SORL1-AS1: variants seen among roughly 807,000 people sequenced by gnomAD.
SORL1-AS1 encodes the protein SORL1 antisense RNA 1, also known as lncRNA 51 A.
chr11:121,442,674 T>TTTATTTACTTATTTAC (rs1555041801), downstream of SORL1-AS1, among the ~76,000 whole-genome samples: 3 of 141,568 alleles, frequency 2.1e-5, no homozygotes, highest in African/African-American at 8.0e-5. Flanking sequence ...TATTTATTTA[T>TTTATTTACTTATTTAC]TTATTTATTT....
downstream of SORL1-AS1, among the ~76,000 whole-genome samples, chr11:121,444,702 T>G (rs554383965): frequency 2.0e-4 from 30 of 152,324 alleles, no homozygotes; most frequent in African/African-American, 5.8e-4. Context: ...GGTGTCCCCC[T>G]GCTGGGAGGC....
chr11:121,441,046 G>A, the SORL1-AS1 span, among the ~76,000 whole-genome samples: 1 of 152,174 alleles, frequency 6.6e-6, no homozygotes, highest in Non-Finnish European at 1.5e-5. Context: ...GGAGATATAA[G>A]TATTTCAATG....
rs1366752952 is a variant in SORL1-AS1 at position 121,452,179 on chromosome 11, G to T, written n.339+496C>A. The T allele has an allele frequency of 4.1e-6, 1 of 242,682 alleles. No individual in the cohort carries two copies. The highest frequency in any genetic ancestry group is 2.3e-5 in the African/African-American group (1 of 42,748). The allele number at this position is 242,682 out of a possible 1,614,324, so 15.0% of individuals were successfully genotyped here. On this transcript the variant is annotated intron_variant and non_coding_transcript_variant, in intron 1 of 1. Transcript: ENST00000501964. The surrounding 1 kb of genome is among the most constrained non-coding windows in gnomAD (Gnocchi z 5.3). The stretch of plus-strand genomic sequence containing the variant: ...CCGAACCGAGCGGGACCTGGCGGCA[G>T]CGGCGGCGGGCGCAGCGGGGCGGCC...
rs1300807928 is a variant in SORL1-AS1 at position 121,452,006 on chromosome 11, C to T, written n.339+669G>A. Among the ~76,000 whole-genome samples, 1 of 152,206 alleles carries T rather than the reference C, an allele frequency of 6.6e-6. No individual in the cohort carries two copies. The highest frequency in any genetic ancestry group is 2.4e-5 in the African/African-American group (1 of 41,470). On this transcript the variant is annotated intron_variant and non_coding_transcript_variant, in intron 1 of 1. Coordinates refer to ENST00000501964, the Ensembl canonical transcript of SORL1-AS1. This position sits in a 1 kb window ranked among gnomAD's most constrained non-coding sequence, Gnocchi z 5.3. ...AGGGAGAACAAGGAGGTGTGCCCGCCAGGGAAGGGACGCACCCCCACCGGC... is the reference window on the plus strand; with the variant it reads ...AGGGAGAACAAGGAGGTGTGCCCGCTAGGGAAGGGACGCACCCCCACCGGC...
chr11:121,444,930 A>T (rs1860705012), downstream of SORL1-AS1, among the ~76,000 whole-genome samples: 1 of 152,196 alleles, frequency 6.6e-6, no homozygotes. Context: ...TGAAATAACC[A>T]TTGAAAACGA....
At chr11:121,439,719 C>T in the SORL1-AS1 span, among the ~76,000 whole-genome samples, 7 of 152,146 alleles carry the variant, frequency 4.6e-5, no homozygotes, top group Middle Eastern at 3.2e-3. Context: ...CATTTAAAGA[C>T]GGTGAGTATT....
downstream of SORL1-AS1, among the ~76,000 whole-genome samples, chr11:121,444,347 T>C (rs1476630860): frequency 2.0e-5 from 3 of 152,212 alleles, no homozygotes; most frequent in East Asian, 5.8e-4. Flanking sequence ...GGCGTTCACT[T>C]TCTAAACCAT....
rs114331262 is a variant in SORL1-AS1, at chr11:121,452,568, G to A, written n.339+107C>T. 22,171 of 1,518,978 alleles carry A rather than the reference G, an allele frequency of 0.015. 266 individuals carry two copies. Among genetic ancestry groups the A allele is most frequent in the African/African-American group, 0.037 (2,609 of 69,752 alleles). The allele number at this position is 1,518,978 out of a possible 1,614,324, so 94.1% of individuals were successfully genotyped here. A position where few individuals can be genotyped will look rare whatever the true frequency, so the allele number is the denominator to read the frequency against. On this transcript the variant is annotated intron_variant and non_coding_transcript_variant, in intron 1 of 1. Coordinates refer to ENST00000501964, the Ensembl canonical transcript of SORL1-AS1. This position sits in a 1 kb window ranked among gnomAD's most constrained non-coding sequence, Gnocchi z 5.3. ...GCGCGGACGAGAAGCCGCTCCGGAG[G>A]AAACGGAGCGCTGCCCTGCAGCCCG...
downstream of SORL1-AS1, among the ~76,000 whole-genome samples, chr11:121,445,181 T>G (rs1255960261): frequency 6.6e-6 from 1 of 152,226 alleles, no homozygotes; most frequent in East Asian, 1.9e-4. Flanking sequence ...ATTCAGCTGA[T>G]GACACCACGT....
chr11:121,442,670 T>C (rs1342556769), downstream of SORL1-AS1, among the ~76,000 whole-genome samples: 3 of 136,390 alleles, frequency 2.2e-5, no homozygotes, highest in African/African-American at 8.9e-5. Flanking sequence ...TATTTATTTA[T>C]TTATTTATTT....
At chr11:121,446,198 T>C (rs1369954356), downstream of SORL1-AS1, among the ~76,000 whole-genome samples, 1 of 152,186 alleles carries the variant, frequency 6.6e-6, no homozygotes, top group Non-Finnish European at 1.5e-5. Context: ...GACAGGGGAA[T>C]AGACTCCAAG....
At chr11:121,449,148 G>A (rs1860759318) in exon 2 of SORL1-AS1, 1 of 152,214 alleles carries the variant, frequency 6.6e-6, no homozygotes, top group African/African-American at 2.4e-5. Flanking sequence ...GGACAGAGGA[G>A]GGCAGTTTAA....
At chr11:121,440,736 G>A in the SORL1-AS1 span, among the ~76,000 whole-genome samples, 1 of 152,182 alleles carries the variant, frequency 6.6e-6, no homozygotes, top group Non-Finnish European at 1.5e-5. Flanking sequence ...AAGACTTGCT[G>A]GGGTTCCCTT....
the SORL1-AS1 span, among the ~76,000 whole-genome samples, chr11:121,441,981 A>G: frequency 2.0e-5 from 3 of 152,174 alleles, no homozygotes; most frequent in Non-Finnish European, 4.4e-5. Flanking sequence ...AATATATTGC[A>G]ATTGACCTAG....
At chr11:121,447,362 G>C (rs770672413) in exon 2 of SORL1-AS1, 2 of 151,802 alleles carry the variant, frequency 1.3e-5, no homozygotes, top group South Asian at 4.2e-4. Flanking sequence ...ACCCAGGCTG[G>C]AGTGCAGTGG....
At chr11:121,444,956 C>T (rs1306005353), downstream of SORL1-AS1, among the ~76,000 whole-genome samples, 1 of 152,188 alleles carries the variant, frequency 6.6e-6, no homozygotes, top group African/African-American at 2.4e-5. Flanking sequence ...TTTTCACTCA[C>T]CTCTTTGCTT....
At chr11:121,451,956 G>C (rs896207658) in intron 1 of SORL1-AS1, among the ~76,000 whole-genome samples, 23 of 152,174 alleles carry the variant, frequency 1.5e-4, no homozygotes, top group African/African-American at 5.1e-4. Context: ...AAACGAGCGA[G>C]CCCCATGCAA....
downstream of SORL1-AS1, among the ~76,000 whole-genome samples, chr11:121,443,689 T>C (rs1218893125): frequency 6.6e-6 from 1 of 152,230 alleles, no homozygotes; most frequent in Non-Finnish European, 1.5e-5. Context: ...ATTCAAGCTT[T>C]TCAGGGAGCT....
chr11:121,444,484 G>GGAT, downstream of SORL1-AS1, among the ~76,000 whole-genome samples: 1 of 152,292 alleles, frequency 6.6e-6, no homozygotes, highest in Middle Eastern at 3.4e-3. Flanking sequence ...TGGCAGAGCC[G>GGAT]GATATAAACC....
Sources: gnomAD v4.1 joint callset for allele counts (sites outside exome capture counted in the v4.1 genomes callset) on GRCh38, gnomAD v4.1.1 for gene constraint, Gnocchi (gnomAD v3.1) non-coding constraint, MANE v1.5 for transcripts, NCBI Gene and HGNC (gene_info 2026-07-23, HGNC 2026-07-21) for gene names.